VWCE: variants seen among roughly 807,000 people sequenced by gnomAD.
VWCE encodes von Willebrand factor C and EGF domain-containing protein.
Under a neutral mutation model 102.9 loss-of-function variants are expected in VWCE, and 68 were observed. The observed-to-expected ratio is 0.66, with a 90% CI of 0.54 to 0.81. The LOEUF is 0.81. VWCE is among the 30% of genes least tolerant of loss of function. The pLI is 0.00. For missense variants in VWCE, 1,137 were observed against 1,263.6 expected, an observed-to-expected ratio of 0.90 and a Z score of 1.52; for synonymous variants, 497 against 515.4, an observed-to-expected ratio of 0.96 and a Z score of 0.48.
chr11:61,264,481 A>G lies in VWCE; in HGVS notation c.2230+6T>C, dbSNP rs774506168. The G allele has an allele frequency of 6.8e-6, 11 of 1,613,000 alleles. No homozygotes were observed. The highest frequency in any genetic ancestry group is 9.3e-6 in the Non-Finnish European group (11 of 1,179,552). ...GAGAAACTCCAGGACCCAGAGACCCACTTACCTGGACAGGAAGAGCAGCAG... is the reference window on the plus strand; with the variant it reads ...GAGAAACTCCAGGACCCAGAGACCCGCTTACCTGGACAGGAAGAGCAGCAG... On this transcript the variant is annotated splice_donor_region_variant and intron_variant, in intron 19 of 19. Coordinates refer to ENST00000335613, the MANE Select transcript of VWCE (RefSeq NM_152718.2).
chr11:61,263,453 A>G (rs1854415970), intron 19 of VWCE, among the ~76,000 whole-genome samples: 1 of 152,226 alleles, frequency 6.6e-6, no homozygotes, highest in Non-Finnish European at 1.5e-5. Flanking sequence ...AAGCCAAAGA[A>G]GCAGAGAATA....
intron 5 of VWCE, among the ~76,000 whole-genome samples, chr11:61,285,996 C>T (rs939994620): frequency 5.9e-5 from 9 of 152,152 alleles, no homozygotes. Flanking sequence ...TGAGGTGATC[C>T]TCCCGCCTTG....
rs1855326878 is a variant in VWCE at position 61,286,412 on chromosome 11, G to A, written c.443C>T (p.Thr148Ile). The A allele has an allele frequency of 6.2e-7, 1 of 1,612,536 alleles. No individual in the cohort carries two copies. The highest frequency in any genetic ancestry group is 8.5e-7 in the Non-Finnish European group (1 of 1,180,012). Residue 148 changes from threonine to isoleucine, a missense_variant, in exon 5 of 20, where the codon ACC becomes ATC. By Grantham distance (89) the Thr-to-Ile change is moderately conservative (BLOSUM62 -1). Transcript: ENST00000335613. ...IRCTDIDECVTSSCEGHCVNT... is the reference protein window; with the variant it reads ...IRCTDIDECVISSCEGHCVNT... ...CACACAGTGGCCCTCGCAGGAGGAG[G>A]TTACACATTCGTCAATGTCTGGAAA...
In VWCE at chr11:61,295,062, G is replaced by C. The variant is rs1374378765; in HGVS notation, c.-25C>G. 2.3e-6 allele frequency: 3 copies of C among 1,315,406 alleles called. No individual in the cohort carries two copies. The highest frequency in any genetic ancestry group is 3.1e-5 in the African/African-American group (2 of 64,998). The allele number at this position is 1,315,406 out of a possible 1,614,324, so 81.5% of individuals were successfully genotyped here. A position where few individuals can be genotyped will look rare whatever the true frequency, so the allele number is the denominator to read the frequency against. On this transcript the variant is annotated 5_prime_UTR_variant, in exon 1 of 20. Coordinates refer to ENST00000335613, the MANE Select transcript of VWCE (RefSeq NM_152718.2). The surrounding 1 kb of genome is among the most constrained non-coding windows in gnomAD (Gnocchi z 4.6). ...TGACCGGCGGCGGCGGGTCCCCCGG[G>C]CTGGGCTCGGCTCCTGCGCCGCGCG... is the stretch of plus-strand genomic sequence containing the variant.
intron 5 of VWCE, among the ~76,000 whole-genome samples, chr11:61,285,586 C>G (rs1855293363): frequency 6.6e-6 from 1 of 152,082 alleles, no homozygotes; most frequent in South Asian, 2.1e-4. Context: ...AGTGAATGAC[C>G]CCATCCCGGT....
intron 4 of VWCE, among the ~76,000 whole-genome samples, chr11:61,289,680 A>G (rs1855437870): frequency 6.6e-6 from 1 of 152,226 alleles, no homozygotes; most frequent in Non-Finnish European, 1.5e-5. Context: ...TGCATGCTTA[A>G]CATACATACA....
In VWCE at chr11:61,280,770, C is replaced by T; in HGVS notation, c.1230+23G>A. 2.5e-6 allele frequency: 4 copies of T among 1,611,226 alleles called. No homozygotes were observed. The South Asian group carries it at 4.4e-5, about 18-fold the overall frequency. ...ACCACAAGGCCCCAGACCAAGGAAGCTCCGGGGACCCCTAGTACCCACCTC... is the reference window on the plus strand; with the variant it reads ...ACCACAAGGCCCCAGACCAAGGAAGTTCCGGGGACCCCTAGTACCCACCTC... On this transcript the variant is annotated intron_variant, in intron 8 of 19. Transcript: ENST00000335613.
Position 61,274,488 on chromosome 11 carries a change from A to G in VWCE, c.1581+11T>C, listed in dbSNP as rs765585646. On this transcript the variant is annotated intron_variant, in intron 12 of 19. Transcript: ENST00000335613. Reference sequence around the variant, plus strand: ...CAATTCCACAGGCTTTGGGACGCTCAGCCACCATACCTGGCAAACACAGGT... The same window carrying G: ...CAATTCCACAGGCTTTGGGACGCTCGGCCACCATACCTGGCAAACACAGGT... 1.2e-6 allele frequency: 2 copies of G among 1,611,694 alleles called. No individual in the cohort carries two copies. The highest frequency in any genetic ancestry group is 1.7e-6 in the Non-Finnish European group (2 of 1,179,000).
intron 17 of VWCE, 27 bp downstream of exon 17, chr11:61,265,095 G>A (rs755143718): frequency 6.2e-7 from 1 of 1,613,370 alleles, no homozygotes; most frequent in Non-Finnish European, 8.5e-7. Context: ...CGGGAACCTG[G>A]CACGTGGGGC....
At chr11:61,288,433 C>T (rs1855400972) in intron 4 of VWCE, among the ~76,000 whole-genome samples, 1 of 152,102 alleles carries the variant, frequency 6.6e-6, no homozygotes, top group East Asian at 1.9e-4. Context: ...CACCCCCACT[C>T]TCCTTATCCC....
At chr11:61,259,615 GTCTCAGCCTAAACCTCAA>G (rs1039861706) in intron 19 of VWCE, among the ~76,000 whole-genome samples, 1 of 152,190 alleles carries the variant, frequency 6.6e-6, no homozygotes, top group African/African-American at 2.4e-5. Flanking sequence ...TGCACGGAGA[GTCTCAGCCTAAACCTCAA>G]TGTGAACTAT....
chr11:61,278,581 A>C lies in VWCE; in HGVS notation c.1325-105T>G. 5 of 1,054,254 alleles carry C rather than the reference A, an allele frequency of 4.7e-6. No individual in the cohort carries two copies. In the East Asian group the frequency reaches 7.5e-5, roughly 16 times the overall value. The allele number at this position is 1,054,254 out of a possible 1,614,324, so 65.3% of individuals were successfully genotyped here. A position where few individuals can be genotyped will look rare whatever the true frequency, so the allele number is the denominator to read the frequency against. ...CTTAATGTACCTGGAACATTCTCTC[A>C]CTGCCCTAGGTGTCCCAGGAGTGGT... On this transcript the variant is annotated intron_variant, in intron 9 of 19. Coordinates refer to ENST00000335613, the MANE Select transcript of VWCE (RefSeq NM_152718.2).
chr11:61,281,295 G>T, intron 7 of VWCE, 60 bp from the exon 8 acceptor site: 1 of 1,592,580 alleles, frequency 6.3e-7, no homozygotes, highest in South Asian at 1.1e-5. Flanking sequence ...GCAGGGTTTA[G>T]GGAGACCTGG....
chr11:61,289,383 C>T (rs956426811), intron 4 of VWCE, among the ~76,000 whole-genome samples: 3 of 151,578 alleles, frequency 2.0e-5, no homozygotes, highest in South Asian at 2.1e-4. Flanking sequence ...CCTGAGTAGC[C>T]GGGATTACAG....
chr11:61,261,347 ACTCTAAAAATATG>A (rs1190088786), intron 19 of VWCE, among the ~76,000 whole-genome samples: 3 of 152,180 alleles, frequency 2.0e-5, no homozygotes, highest in African/African-American at 7.2e-5. Context: ...TGGTTGCGTA[ACTCTAAAAATATG>A]CTTAAAATGA....
intron 5 of VWCE, among the ~76,000 whole-genome samples, chr11:61,284,945 C>G (rs969591105): frequency 6.6e-6 from 1 of 151,596 alleles, no homozygotes; most frequent in Admixed American, 6.6e-5. Context: ...CTGTCCTCCT[C>G]CATGTCAAAA....
rs144429451 is a variant in VWCE at position 61,263,216 on chromosome 11, A to G, written c.2230+1271T>C. Among the ~76,000 whole-genome samples the G allele has an allele frequency of 3.4e-3, 513 of 152,132 alleles. 1 individual carries two copies. The highest frequency in any genetic ancestry group is 0.014 in the Middle Eastern group (4 of 294). On this transcript the variant is annotated intron_variant, in intron 19 of 19. Transcript: ENST00000335613. ...CAGCTACTCAGGAGGCTGAGGCAAG[A>G]GAACCACTTGAACCTGGGAGGCAAA... is the stretch of plus-strand genomic sequence containing the variant.
chr11:61,276,581 A>G lies in VWCE; in HGVS notation c.1495+12T>C. On this transcript the variant is annotated intron_variant, in intron 11 of 19. Transcript: ENST00000335613. ...AAAAAAAAAAGCAAAATGCTCCAAG[A>G]GTGTCACTTACCTGGAACACAAGTA... The G allele has an allele frequency of 6.5e-7, 1 of 1,536,304 alleles. No homozygotes were observed. Among genetic ancestry groups the G allele is most frequent in the South Asian group, 1.3e-5 (1 of 78,718 alleles).
chr11:61,265,308 G>T, intron 16 of VWCE, 96 bp from the exon 17 acceptor site: 1 of 1,147,392 alleles, frequency 8.7e-7, no homozygotes, highest in Non-Finnish European at 1.2e-6. Flanking sequence ...GTGTCCATCA[G>T]AACAATCAAC....
Sources: gnomAD v4.1 joint callset for allele counts (sites outside exome capture counted in the v4.1 genomes callset) on GRCh38, gnomAD v4.1.1 for gene constraint, Gnocchi (gnomAD v3.1) non-coding constraint, MANE v1.5 for transcripts, NCBI Gene and HGNC (gene_info 2026-07-23, HGNC 2026-07-21) for gene names.